SMG1: variants seen among roughly 807,000 people sequenced by gnomAD.
SMG1 encodes the protein serine/threonine-protein kinase SMG1.
In SMG1, 22 loss-of-function variants were observed where a neutral mutation model predicts 419.9. The observed-to-expected ratio is 0.05, with a 90% CI of 0.04 to 0.07. The LOEUF (loss-of-function observed/expected upper bound fraction) is 0.07, where lower values mean the gene tolerates loss of function less well. Among genes scored for constraint, SMG1 ranks in the 10% least tolerant of loss-of-function variants. The pLI is 1.00. For missense variants in SMG1, 3,185 were observed against 4,342.0 expected (o/e 0.73, Z 7.49); for synonymous variants, 1,538 against 1,553.5 (o/e 0.99, Z 0.23).
intron 62 of SMG1, 146 bp downstream of exon 62, chr16:18,811,615 G>T: frequency 1.3e-6 from 1 of 765,740 alleles, no homozygotes; most frequent in Non-Finnish European, 2.2e-6. Flanking sequence ...CGACGCCAGA[G>T]CTGTGTTACT....
chr16:18,876,855 T>A (rs543100869), intron 12 of SMG1, among the ~76,000 whole-genome samples: 1 of 152,114 alleles, frequency 6.6e-6, no homozygotes, highest in Non-Finnish European at 1.5e-5. Context: ...CAACTTGTTT[T>A]ACCCTTATGA....
intron 29 of SMG1, 45 bp from the exon 30 acceptor site, chr16:18,854,949 C>A: frequency 6.4e-7 from 1 of 1,568,882 alleles, no homozygotes; most frequent in South Asian, 1.2e-5. Flanking sequence ...TTGTCTAAAC[C>A]AGACTGCATG....
chr16:18,812,597 T>TACATAC (rs146931454), intron 60 of SMG1, among the ~76,000 whole-genome samples: 2 of 142,388 alleles, frequency 1.4e-5, no homozygotes, highest in Admixed American at 7.1e-5. Flanking sequence ...TACATATATA[T>TACATAC]ACACATATAT....
chr16:18,832,750 T>A (rs2033288334), intron 51 of SMG1, among the ~76,000 whole-genome samples, 190 bp downstream of exon 51: 1 of 152,134 alleles, frequency 6.6e-6, no homozygotes, highest in Non-Finnish European at 1.5e-5. Context: ...ACTTTTTTTT[T>A]AAGCAACTTC....
rs1270782308 is a variant in SMG1 at position 18,847,533 on chromosome 16, T to C, written c.5916A>G (p.Gln1972=). The C allele has an allele frequency of 2.5e-6, 4 of 1,613,926 alleles. No homozygotes were observed. The highest frequency in any genetic ancestry group is 3.4e-6 in the Non-Finnish European group (4 of 1,179,902). Residue 1972 remains glutamine, a synonymous_variant, in exon 38 of 63, where the codon CAA becomes CAG. Transcript: ENST00000446231. ...WDELWLGVLL[Q]QHMYVLRRIQ... ...TTCGTCTCAGGACATACATGTGTTGTTGCAGCAAAACTCCCAGCCAGAGCT... is the reference window on the plus strand; with the variant it reads ...TTCGTCTCAGGACATACATGTGTTGCTGCAGCAAAACTCCCAGCCAGAGCT...
At chr16:18,862,635 A>T (rs1430433929) in intron 25 of SMG1, among the ~76,000 whole-genome samples, 1 of 152,074 alleles carries the variant, frequency 6.6e-6, no homozygotes, top group Non-Finnish European at 1.5e-5. Flanking sequence ...AATGGTCTCC[A>T]TGCTTCCATA....
Position 18,926,081 on chromosome 16 carries a change from A to G in SMG1, c.-40T>C, listed in dbSNP as rs545317641. The G allele has an allele frequency of 1.9e-3, 2,925 of 1,519,956 alleles. 5 individuals carry two copies. The highest frequency in any genetic ancestry group is 2.4e-3 in the Non-Finnish European group (2,737 of 1,141,128). The allele number at this position is 1,519,956 out of a possible 1,614,324, so 94.2% of individuals were successfully genotyped here. A position where few individuals can be genotyped will look rare whatever the true frequency, so the allele number is the denominator to read the frequency against. On this transcript the variant is annotated 5_prime_UTR_variant, in exon 1 of 63. Transcript: ENST00000446231. ...CGACATGGCCAAGCGCCGCCGCCCA[A>G]AGAAGCGCGAGTCGCCGCCCGAACC...
chr16:18,843,578 GAATA>G (rs1385400831), intron 39 of SMG1, among the ~76,000 whole-genome samples: 3 of 152,096 alleles, frequency 2.0e-5, no homozygotes, highest in Non-Finnish European at 4.4e-5. Context: ...AATGACAAAA[GAATA>G]AATTGTGGTA....
chr16:18,844,508 C>T (rs1038564304), intron 39 of SMG1, among the ~76,000 whole-genome samples: 11 of 126,252 alleles, frequency 8.7e-5, no homozygotes, highest in Non-Finnish European at 1.5e-4. Flanking sequence ...CACACACACA[C>T]ACACACACAC....
chr16:18,925,789 G>T (rs2038375018), intron 1 of SMG1, 161 bp downstream of exon 1: 2 of 509,716 alleles, frequency 3.9e-6, no homozygotes, highest in South Asian at 6.1e-5. Context: ...CCTCCCCGCG[G>T]CCTTCCTCCC....
At chr16:18,881,213 T>C (rs2036380860) in intron 10 of SMG1, among the ~76,000 whole-genome samples, 1 of 151,966 alleles carries the variant, frequency 6.6e-6, no homozygotes. Context: ...AATATACACC[T>C]ATCCTATAAA....
rs2030714923 is a variant in SMG1, at chr16:18,805,237, A to G, written c.*4332T>C. 6.6e-6 allele frequency: 1 copy of G among 152,280 alleles called. No homozygotes were observed. The highest frequency in any genetic ancestry group is 2.4e-5 in the African/African-American group (1 of 41,480). 9.4% of individuals were successfully genotyped at this position (152,280 alleles called of 1,614,324 possible). ...AAATTTAAACCAGAAAAATGACACAATAACTTTAAAGAGGAGCTGAAACTT... is the reference window on the plus strand; with the variant it reads ...AAATTTAAACCAGAAAAATGACACAGTAACTTTAAAGAGGAGCTGAAACTT... On this transcript the variant is annotated 3_prime_UTR_variant, in exon 63 of 63. Transcript: ENST00000446231.
intron 11 of SMG1, chr16:18,879,124 TTTC>T (rs2036275200): frequency 3.4e-6 from 1 of 292,290 alleles, no homozygotes; most frequent in Non-Finnish European, 6.6e-6. Context: ...CTTATTTTTT[TTTC>T]TTTTTTGGAG....
intron 49 of SMG1, 83 bp from the exon 50 acceptor site, chr16:18,834,521 A>T: frequency 1.5e-6 from 2 of 1,338,854 alleles, no homozygotes. Context: ...CCATGCCTGT[A>T]ATTCCAGCAT....
At position 18,850,470 on chromosome 16, in the gene SMG1, G is replaced by A. The variant is rs1260056358; in HGVS notation, c.5053-3C>T. The A allele has an allele frequency of 1.3e-6, 2 of 1,590,594 alleles. No homozygotes were observed. Among genetic ancestry groups the A allele is most frequent in the African/African-American group, 1.3e-5 (1 of 74,316 alleles). Reference sequence around the variant, plus strand: ...ATCTGAAGTGTTATATCTTCATCCTGAAGAAAAATTGTGCACAAAATGCTA... The same window carrying A: ...ATCTGAAGTGTTATATCTTCATCCTAAAGAAAAATTGTGCACAAAATGCTA... On this transcript the variant is annotated splice_region_variant and splice_polypyrimidine_tract_variant and intron_variant, in intron 33 of 62. Coordinates refer to ENST00000446231, the MANE Select transcript of SMG1 (RefSeq NM_015092.5).
intron 60 of SMG1, among the ~76,000 whole-genome samples, chr16:18,812,609 TACATAC>T (rs145919732): frequency 0.11 from 13,673 of 125,244 alleles, 659 homozygotes; most frequent in Middle Eastern, 0.19. Context: ...CACATATATA[TACATAC>T]ACACATATAT....
Position 18,842,330 on chromosome 16 carries a change from G to A in SMG1, c.6344C>T (p.Ala2115Val), listed in dbSNP as rs1371620422. ...ACTATGGATTGTGACAGTGTCTCTG[G>A]CTGAGACTTCCCCAGGAAGAGCAAT... ...TEIALPGEVS[A>V]RDTVTIHSVG... is the part of the protein sequence containing the mutation. Residue 2115 changes from alanine to valine, a missense_variant, in exon 40 of 63, where the codon GCC (alanine) becomes GTC (valine). This residue lies in a region of SMG1 where 159 missense variants were observed against 196.0 expected (regional missense o/e 0.81). Transcript: ENST00000446231. 1 of 1,613,978 alleles carries A rather than the reference G, an allele frequency of 6.2e-7. No homozygotes were observed. Among genetic ancestry groups the A allele is most frequent in the Admixed American group, 1.7e-5 (1 of 60,020 alleles).
chr16:18,896,861 G>A lies in SMG1; in HGVS notation c.188C>T (p.Ser63Leu). ...SSSYGLQPSN[S>L]AVVSRQRHDD... ...GTGCCTTTGCCGAGACACCACAGCT[G>A]AATTTGAAGGTTGCAGTCCATAAGA... is the stretch of plus-strand genomic sequence containing the variant. Residue 63 changes from serine (S) to leucine (L), a missense_variant, in exon 2 of 63, where the codon TCA becomes TTA. By Grantham distance (145) the Ser-to-Leu change is moderately radical. Around this residue, in one of 27 missense-constraint regions of SMG1, gnomAD observed 88 missense variants for 85.9 expected, o/e 1.02. Transcript: ENST00000446231. 1 of 1,609,100 alleles carries A rather than the reference G, an allele frequency of 6.2e-7. No homozygotes were observed. The highest frequency in any genetic ancestry group is 8.5e-7 in the Non-Finnish European group (1 of 1,178,060).
At chr16:18,883,992 C>A in intron 9 of SMG1, 78 bp downstream of exon 9, 4 of 541,330 alleles carry the variant, frequency 7.4e-6, no homozygotes, top group Admixed American at 7.4e-5. Context: ...GAGGTCTGAG[C>A]CATTTTAAAA....
Sources: gnomAD v4.1 joint callset for allele counts (sites outside exome capture counted in the v4.1 genomes callset) on GRCh38, gnomAD v4.1.1 for gene constraint, gnomAD v4.1.1 regional missense constraint, MANE v1.5 for transcripts, NCBI Gene and HGNC (gene_info 2026-07-23, HGNC 2026-07-21) for gene names.